WDPCP: variants seen among roughly 807,000 people sequenced by gnomAD.
WDPCP encodes WD repeat-containing and planar cell polarity effector protein fritz homolog.
A neutral mutation model predicts 93.1 loss-of-function variants in WDPCP; 71 were observed. The ratio of observed to expected loss-of-function variants is 0.76; its 90% confidence interval spans 0.63 to 0.93. The LOEUF is 0.93. Ranked by LOEUF, WDPCP falls within the 40% of genes least tolerant of loss-of-function variation. The probability of loss-of-function intolerance (pLI) is 0.00; values close to 1 mark genes in which losing one functional copy is unlikely to be tolerated. For synonymous variants in WDPCP, 315 were observed against 315.0 expected (o/e 1.00, Z 0.00); for missense variants, 844 against 887.4 (o/e 0.95, Z 0.62).
chr2:63,249,885 C>T (rs185263344), intron 14 of WDPCP, among the ~76,000 whole-genome samples: 1 of 152,314 alleles, frequency 6.6e-6, no homozygotes, highest in East Asian at 1.9e-4. Flanking sequence ...TCCATCGTAG[C>T]TAAGCACTTA....
chr2:63,229,443 TC>T (rs1450072416), intron 14 of WDPCP: 1 of 151,764 alleles, frequency 6.6e-6, no homozygotes, highest in East Asian at 1.9e-4. Context: ...TTTAATTAGA[TC>T]CCATTTGTCA....
chr2:63,571,698 A>G (rs1707518149), intron 1 of WDPCP: 1 of 458,966 alleles, frequency 2.2e-6, no homozygotes, highest in South Asian at 1.6e-5. Context: ...AGATGCCAGA[A>G]AAGTTTTAAA....
At chr2:63,536,176 C>A (rs1704262016) in intron 1 of WDPCP, among the ~76,000 whole-genome samples, 3 of 152,142 alleles carry the variant, frequency 2.0e-5, no homozygotes, top group Admixed American at 2.0e-4. Flanking sequence ...CCATCTCACA[C>A]CAGTTAGAAT....
intron 2 of WDPCP, chr2:63,752,067 A>C (rs760392240): frequency 3.2e-6 from 2 of 616,878 alleles, no homozygotes; most frequent in Non-Finnish European, 6.0e-6. Context: ...GGCTGGGTGA[A>C]GCACTATCCA....
At chr2:63,612,771 A>G (rs1364013088) in intron 3 of WDPCP, among the ~76,000 whole-genome samples, 1 of 152,182 alleles carries the variant, frequency 6.6e-6, no homozygotes, top group Non-Finnish European at 1.5e-5. Context: ...ATGTATGTGT[A>G]CTACATGTGT....
At chr2:63,816,874 G>C (rs1204888531) in intron 1 of WDPCP, among the ~76,000 whole-genome samples, 1 of 152,182 alleles carries the variant, frequency 6.6e-6, no homozygotes, top group African/African-American at 2.4e-5. Context: ...CATACACTCA[G>C]ACGTGCACTG....
At chr2:63,660,727 T>C (rs1414834962) in intron 2 of WDPCP, among the ~76,000 whole-genome samples, 1 of 152,264 alleles carries the variant, frequency 6.6e-6, no homozygotes, top group Non-Finnish European at 1.5e-5. Context: ...AACATGTTTG[T>C]ATTATCAGAT....
chr2:63,515,380 C>T (rs1371431088), intron 1 of WDPCP, among the ~76,000 whole-genome samples: 1 of 152,134 alleles, frequency 6.6e-6, no homozygotes, highest in Non-Finnish European at 1.5e-5. Flanking sequence ...CATTGTGTGA[C>T]TTGCACGTTA....
intron 1 of WDPCP, among the ~76,000 whole-genome samples, chr2:63,579,677 C>G (rs951178719): frequency 6.6e-6 from 1 of 152,058 alleles, no homozygotes; most frequent in Non-Finnish European, 1.5e-5. Flanking sequence ...GCCTTTCGTA[C>G]TGATGCAATC....
At chr2:63,225,056 T>TAA (rs74271878) in intron 14 of WDPCP, among the ~76,000 whole-genome samples, 2 of 130,756 alleles carry the variant, frequency 1.5e-5, no homozygotes, top group African/African-American at 2.8e-5. Context: ...CTACAATGAC[T>TAA]AAAAAAAAAA....
rs765912628 is a variant in WDPCP at position 63,313,315 on chromosome 2, C to A, written c.1749-4G>T. The stretch of plus-strand genomic sequence containing the variant: ...TGCCTTTTCAAACCTCTGGTACCTA[C>A]AAGGCAGAAAAAAATATTATGTTAG... On this transcript the variant is annotated splice_polypyrimidine_tract_variant and splice_region_variant and intron_variant, in intron 12 of 17. Transcript: ENST00000272321. 3 of 1,612,776 alleles carry A rather than the reference C, an allele frequency of 1.9e-6. No homozygotes were observed. Among genetic ancestry groups the A allele is most frequent in the Non-Finnish European group, 2.5e-6 (3 of 1,179,236 alleles).
At chr2:63,488,645 T>A (rs1484660525) in intron 2 of WDPCP, among the ~76,000 whole-genome samples, 3 of 152,036 alleles carry the variant, frequency 2.0e-5, no homozygotes, top group Non-Finnish European at 2.9e-5. Context: ...AATCTTATGA[T>A]CTTTACACTT....
chr2:63,482,657 G>A (rs1281192003), intron 6 of WDPCP, among the ~76,000 whole-genome samples: 1 of 151,966 alleles, frequency 6.6e-6, no homozygotes, highest in Non-Finnish European at 1.5e-5. Flanking sequence ...AACTGAAGAA[G>A]TGAAGGGATA....
At chr2:63,532,838 G>C (rs1340056262) in intron 1 of WDPCP, among the ~76,000 whole-genome samples, 1 of 152,148 alleles carries the variant, frequency 6.6e-6, no homozygotes, top group Admixed American at 6.5e-5. Flanking sequence ...CATAATGACA[G>C]GATCAAATTA....
chr2:63,130,376 C>T (rs1670211822), intron 17 of WDPCP, among the ~76,000 whole-genome samples: 1 of 152,002 alleles, frequency 6.6e-6, no homozygotes, highest in Admixed American at 6.6e-5. Flanking sequence ...CTGTCTTTTC[C>T]CCCATTAAAT....
chr2:63,446,283 A>AC (rs768400197), intron 6 of WDPCP, among the ~76,000 whole-genome samples: 4 of 151,914 alleles, frequency 2.6e-5, no homozygotes, highest in Non-Finnish European at 4.4e-5. Context: ...CCTGAGCTCT[A>AC]CCCCCTGTCA....
intron 3 of WDPCP, among the ~76,000 whole-genome samples, chr2:63,615,304 T>C (rs530438332): frequency 3.0e-4 from 45 of 152,272 alleles, no homozygotes; most frequent in Admixed American, 2.6e-3. Context: ...GACATACTCA[T>C]GGGGAGATGC....
intron 2 of WDPCP, among the ~76,000 whole-genome samples, chr2:63,768,567 C>T (rs1033531225): frequency 1.3e-5 from 2 of 152,006 alleles, no homozygotes; most frequent in African/African-American, 4.8e-5. Context: ...GGGGACAAGA[C>T]AAGCCATTGT....
At chr2:63,303,901 G>T (rs1685519343) in intron 13 of WDPCP, among the ~76,000 whole-genome samples, 1 of 147,140 alleles carries the variant, frequency 6.8e-6, no homozygotes, top group Non-Finnish European at 1.5e-5. Flanking sequence ...CTAATTATCA[G>T]AGAAATTAAA....
Sources: allele counts gnomAD v4.1 joint callset (sites outside exome capture counted in the v4.1 genomes callset), GRCh38; gene constraint gnomAD v4.1.1; transcripts MANE v1.5; gene names NCBI Gene and HGNC (gene_info 2026-07-23, HGNC 2026-07-21).